RUBCN: variants seen among roughly 807,000 people sequenced by gnomAD.
RUBCN encodes the protein rubicon autophagy regulator.
In RUBCN, 74 loss-of-function variants were observed where a neutral mutation model predicts 113.2. The observed-to-expected ratio is 0.65, with a 90% CI of 0.54 to 0.79. The LOEUF (loss-of-function observed/expected upper bound fraction) is 0.79. Ranked by LOEUF, RUBCN falls within the 30% of genes least tolerant of loss-of-function variation. RUBCN has a pLI of 0.00. For missense variants in RUBCN, 1,109 were observed against 1,251.7 expected (o/e 0.89, Z 1.72); for synonymous variants, 480 against 490.0 (o/e 0.98, Z 0.27).
At chr3:197,737,523 C>T (rs1308216616), upstream of RUBCN, among the ~76,000 whole-genome samples, 1 of 151,876 alleles carries the variant, frequency 6.6e-6, no homozygotes, top group East Asian at 1.9e-4. Flanking sequence ...GAAGGAAGTG[C>T]TGGCTTGGGA....
chr3:197,709,433 T>C (rs930691536), intron 2 of RUBCN, among the ~76,000 whole-genome samples: 1 of 151,964 alleles, frequency 6.6e-6, no homozygotes, highest in Non-Finnish European at 1.5e-5. Flanking sequence ...CAAGCTGGAG[T>C]GCAATGGCGC....
Position 197,692,352 on chromosome 3 carries a change from T to G in RUBCN, c.1786+1363A>C, listed in dbSNP as rs568566731. 2.0e-5 allele frequency among the ~76,000 whole-genome samples: 3 copies of G among 152,140 alleles called. No individual in the cohort carries two copies. In the South Asian group the frequency reaches 6.2e-4, roughly 32 times the overall value. On this transcript the variant is annotated intron_variant, in intron 11 of 19. Transcript: ENST00000296343. ...GTCCCTGTGTACTTCTTCATGTGGC[T>G]GCTCATTTGGATCCTTTACAACAGA... is the stretch of plus-strand genomic sequence containing the variant.
intron 1 of RUBCN, among the ~76,000 whole-genome samples, chr3:197,727,496 A>G (rs9836238): frequency 0.011 from 1,685 of 152,338 alleles, 22 homozygotes; most frequent in African/African-American, 0.039. Flanking sequence ...GCTTAAAAAG[A>G]AAATTCTGCC....
Position 197,674,848 on chromosome 3 carries a change from G to GAT in RUBCN, c.*169_*170insAT. ...ACTCTGGACCCATCAACCTGCCGAC[G>GAT]GCTGACTGCACACAGACGTCAGACA... On this transcript the variant is annotated 3_prime_UTR_variant, in exon 20 of 20. Transcript: ENST00000296343. 1.7e-6 allele frequency: 1 copy of GAT among 593,584 alleles called. No homozygotes were observed. The highest frequency in any genetic ancestry group is 2.8e-6 in the Non-Finnish European group (1 of 354,410). 36.8% of individuals were successfully genotyped at this position (593,584 alleles called of 1,614,324 possible).
chr3:197,721,986 C>T (rs1224787552), intron 1 of RUBCN, among the ~76,000 whole-genome samples: 1 of 152,088 alleles, frequency 6.6e-6, no homozygotes, highest in Non-Finnish European at 1.5e-5. Context: ...TGCCTGTAAT[C>T]CCAGCACTTT....
At chr3:197,746,377 G>T (rs1728745996) in intron 1 of RUBCN, among the ~76,000 whole-genome samples, 1 of 152,118 alleles carries the variant, frequency 6.6e-6, no homozygotes, top group Admixed American at 6.5e-5. Flanking sequence ...GTTCTCAGGG[G>T]TCTTATCTCT....
upstream of RUBCN, among the ~76,000 whole-genome samples, chr3:197,737,470 G>C (rs1728275935): frequency 6.6e-6 from 1 of 151,734 alleles, no homozygotes. Flanking sequence ...GGTTAGCCAG[G>C]AGAAAGAAGA....
In RUBCN at chr3:197,681,779, G is replaced by T. The variant is rs760814307; in HGVS notation, c.2191+56C>A. 2.7e-6 allele frequency: 4 copies of T among 1,468,792 alleles called. No homozygotes were observed. The highest frequency in any genetic ancestry group is 3.8e-6 in the Non-Finnish European group (4 of 1,047,542). The allele number at this position is 1,468,792 out of a possible 1,614,324, so 91.0% of individuals were successfully genotyped here. A position where few individuals can be genotyped will look rare whatever the true frequency, so the allele number is the denominator to read the frequency against. On this transcript the variant is annotated intron_variant, in intron 15 of 19. Coordinates refer to ENST00000296343, the MANE Select transcript of RUBCN (RefSeq NM_014687.4). This position sits in a 1 kb window ranked among gnomAD's most constrained non-coding sequence, Gnocchi z 5.5. ...TTTGACACGCCACCTCTCCCTACGT[G>T]TCGGGGAGGGTACAGAGCCTCTGGA... is the stretch of plus-strand genomic sequence containing the variant.
chr3:197,734,597 G>A (rs552038571), intron 1 of RUBCN, among the ~76,000 whole-genome samples: 3 of 152,046 alleles, frequency 2.0e-5, no homozygotes, highest in Non-Finnish European at 4.4e-5. Context: ...AGAAGTTAAC[G>A]CAGTATTCAT....
At chr3:197,721,382 C>G (rs565499534) in intron 1 of RUBCN, among the ~76,000 whole-genome samples, 7 of 152,088 alleles carry the variant, frequency 4.6e-5, no homozygotes, top group Non-Finnish European at 1.0e-4. Context: ...TCTAGGTTTT[C>G]CAATTTGTTG....
chr3:197,739,585 A>G (rs1418744998), upstream of RUBCN, among the ~76,000 whole-genome samples: 6 of 150,776 alleles, frequency 4.0e-5, no homozygotes, highest in Non-Finnish European at 8.8e-5. Flanking sequence ...AGTCCCAGCT[A>G]CTCCGGAGGC....
At chr3:197,731,053 G>A (rs894943189) in intron 1 of RUBCN, among the ~76,000 whole-genome samples, 1 of 151,682 alleles carries the variant, frequency 6.6e-6, no homozygotes, top group Non-Finnish European at 1.5e-5. Context: ...GGGGGATTTG[G>A]CAGGGTCACA....
intron 2 of RUBCN, among the ~76,000 whole-genome samples, chr3:197,707,134 G>A (rs1439661460): frequency 1.4e-5 from 2 of 142,872 alleles, no homozygotes; most frequent in Non-Finnish European, 2.9e-5. Context: ...ACGAGGTCAG[G>A]AGGTCAAGAC....
At chr3:197,704,738 C>G (rs758822365) in intron 3 of RUBCN, 37 bp from the exon 4 acceptor site, 16 of 1,608,184 alleles carry the variant, frequency 9.9e-6, no homozygotes, top group Non-Finnish European at 1.3e-5. Context: ...AACACACATC[C>G]TGGTAGATAC....
chr3:197,689,786 T>C lies in RUBCN; in HGVS notation c.1786+3929A>G, dbSNP rs145086260. ...CAAAGCAGGGTATTTAGAATATCCA[T>C]TGATTGAACATTTATCATTTCTCTG... On this transcript the variant is annotated intron_variant, in intron 11 of 19. Transcript: ENST00000296343. Among the ~76,000 whole-genome samples, 6 of 152,366 alleles carry C rather than the reference T, an allele frequency of 3.9e-5. 1 individual carries two copies. The South Asian group carries it at 6.2e-4, about 16-fold the overall frequency.
chr3:197,738,047 C>G (rs1010618010), upstream of RUBCN, among the ~76,000 whole-genome samples: 8 of 152,160 alleles, frequency 5.3e-5, no homozygotes, highest in African/African-American at 1.9e-4. Context: ...AGCCACCACA[C>G]CTAGCTATGA....
chr3:197,743,909 G>A (rs1028282243), intron 1 of RUBCN, among the ~76,000 whole-genome samples: 20 of 151,994 alleles, frequency 1.3e-4, no homozygotes, highest in African/African-American at 2.4e-4. Flanking sequence ...GCTTGAACCC[G>A]GGAGGCGGAG....
intron 2 of RUBCN, among the ~76,000 whole-genome samples, chr3:197,711,645 C>A (rs982276331): frequency 2.6e-5 from 4 of 150,962 alleles, no homozygotes; most frequent in African/African-American, 9.8e-5. Flanking sequence ...CCAGCCTGGG[C>A]AACATAGTGA....
At position 197,708,861 on chromosome 3, in the gene RUBCN, G is replaced by T. The variant is rs538902985; in HGVS notation, c.220-3686C>A. ...TGAAAAGCCTTTTCAGTAAAGGTAA[G>T]TCACTATAAAGAGTTGATACTGAAT... On this transcript the variant is annotated intron_variant, in intron 2 of 19. Transcript: ENST00000296343. Among the ~76,000 whole-genome samples the T allele has an allele frequency of 4.6e-5, 7 of 152,238 alleles. No individual in the cohort carries two copies. In the South Asian group the frequency reaches 1.4e-3, roughly 32 times the overall value.
Sources: gnomAD v4.1 joint callset for allele counts (sites outside exome capture counted in the v4.1 genomes callset) on GRCh38, gnomAD v4.1.1 for gene constraint, Gnocchi (gnomAD v3.1) non-coding constraint, MANE v1.5 for transcripts, NCBI Gene and HGNC (gene_info 2026-07-23, HGNC 2026-07-21) for gene names.